Variants in RAD54B observed in about 807,000 individuals in gnomAD.
RAD54B encodes RAD54 homolog B.
In RAD54B, 78 loss-of-function variants were observed where a neutral mutation model predicts 95.8. The ratio of observed to expected loss-of-function variants is 0.81; its 90% confidence interval spans 0.68 to 0.98. The LOEUF (loss-of-function observed/expected upper bound fraction) is 0.98. Ranked by LOEUF, RAD54B falls within the 50% of genes least tolerant of loss-of-function variation. RAD54B has a pLI of 0.00. For synonymous variants in RAD54B, 328 were observed against 354.9 expected (o/e 0.92, Z 0.85); for missense variants, 957 against 1,056.6 (o/e 0.91, Z 1.31).
intron 3 of RAD54B, chr8:94,430,713 A>C: frequency 1.1e-6 from 1 of 936,858 alleles, no homozygotes; most frequent in Non-Finnish European, 1.3e-6. Flanking sequence ...ATGTTTTAAA[A>C]GCATTTTGTG....
chr8:94,432,168 C>T (rs1265240697), intron 3 of RAD54B: 7 of 1,550,008 alleles, frequency 4.5e-6, no homozygotes, highest in East Asian at 4.9e-5. Context: ...ATGCCGTAAG[C>T]GAATTGCTTT....
intron 8 of RAD54B, 25 bp downstream of exon 8, chr8:94,399,389 T>C (rs893473403): frequency 1.3e-6 from 2 of 1,599,742 alleles, no homozygotes. Flanking sequence ...AATTCCAAAA[T>C]ATCTTCCCCA....
rs371660863 is a variant in RAD54B, at chr8:94,410,568, G to C, written c.499+553C>G. Among the ~76,000 whole-genome samples, 10 of 152,256 alleles carry C rather than the reference G, an allele frequency of 6.6e-5. No individual in the cohort carries two copies. In the East Asian group the frequency reaches 1.5e-3, roughly 23 times the overall value. On this transcript the variant is annotated intron_variant, in intron 4 of 14. Coordinates refer to ENST00000336148, the MANE Select transcript of RAD54B (RefSeq NM_012415.3). Reference sequence around the variant, plus strand: ...TGCAAAGACACTGTAGTTGGTGTTAGCCATTCTTAATTTGTAGCCTAACTT... The same window carrying C: ...TGCAAAGACACTGTAGTTGGTGTTACCCATTCTTAATTTGTAGCCTAACTT...
chr8:94,422,605 AAAAAAAAAAAAAATATATATATATATAT>A (rs1563650677), intron 3 of RAD54B, among the ~76,000 whole-genome samples: 3 of 98,204 alleles, frequency 3.1e-5, no homozygotes, highest in African/African-American at 1.6e-4. Context: ...AAAAAAAAAA[AAAAAAAAAAAAAATATATATATATATAT>A]ATATATATAT....
chr8:94,465,556 C>A (rs1269885792), intron 2 of RAD54B, among the ~76,000 whole-genome samples: 2 of 152,160 alleles, frequency 1.3e-5, no homozygotes, highest in African/African-American at 4.8e-5. Flanking sequence ...ATCACACATT[C>A]CTGATGAAGA....
chr8:94,388,180 T>C (rs1017717912), intron 10 of RAD54B, among the ~76,000 whole-genome samples: 14 of 152,302 alleles, frequency 9.2e-5, no homozygotes, highest in Admixed American at 9.2e-4. Context: ...AGTCTACTTA[T>C]ATGCAGATTT....
At chr8:94,400,497 A>G in intron 6 of RAD54B, 34 bp from the exon 7 acceptor site, 2 of 1,503,214 alleles carry the variant, frequency 1.3e-6, no homozygotes. Flanking sequence ...TTTAATCACA[A>G]TAGAAAAATA....
At chr8:94,452,414 C>T (rs1268219014) in intron 3 of RAD54B, among the ~76,000 whole-genome samples, 1 of 152,188 alleles carries the variant, frequency 6.6e-6, no homozygotes, top group Non-Finnish European at 1.5e-5. Context: ...GTATCTTATT[C>T]TCAACTAGTA....
intron 2 of RAD54B, among the ~76,000 whole-genome samples, chr8:94,465,420 G>C (rs1397285815): frequency 6.6e-6 from 1 of 152,180 alleles, no homozygotes; most frequent in Non-Finnish European, 1.5e-5. Flanking sequence ...AGCATTGCTA[G>C]TCATTAAGGA....
chr8:94,455,168 A>G (rs914976367), intron 3 of RAD54B, among the ~76,000 whole-genome samples: 2 of 152,212 alleles, frequency 1.3e-5, no homozygotes, highest in African/African-American at 2.4e-5. Flanking sequence ...TCACATATCC[A>G]TTACAGCATG....
rs754440436 is a variant in RAD54B, at chr8:94,387,020, AG to A, written c.1948del (p.Leu650SerfsTer2). ...TCGAAGTTCGTGGATAACCGCTAAG[AG>A]CTTGGACAACACCTGTAGTTTTCCT... ...ESGKLQVLSK[L>X]LAVIHELRPT... On this transcript the variant is annotated frameshift_variant, in exon 11 of 15. Coordinates refer to ENST00000336148, the MANE Select transcript of RAD54B (RefSeq NM_012415.3). LOFTEE classifies it high-confidence loss of function. 19 of 1,610,354 alleles carry A rather than the reference AG, an allele frequency of 1.2e-5. No individual in the cohort carries two copies. Among genetic ancestry groups the A allele is most frequent in the Non-Finnish European group, 1.6e-5 (19 of 1,179,010 alleles).
chr8:94,425,506 A>G (rs886357195), intron 3 of RAD54B, among the ~76,000 whole-genome samples: 2 of 152,102 alleles, frequency 1.3e-5, no homozygotes, highest in Non-Finnish European at 2.9e-5. Context: ...AAACCTACCA[A>G]TGTTTAATAT....
At chr8:94,422,618 AT>A (rs67720327) in intron 3 of RAD54B, among the ~76,000 whole-genome samples, 966 of 24,040 alleles carry the variant, frequency 0.04, 18 homozygotes, top group Non-Finnish European at 0.05. Context: ...AAAAAAAAAA[AT>A]ATATATATAT....
At chr8:94,463,328 T>C (rs1277367861) in intron 2 of RAD54B, among the ~76,000 whole-genome samples, 4 of 136,792 alleles carry the variant, frequency 2.9e-5, no homozygotes, top group Non-Finnish European at 4.7e-5. Context: ...TAAGCACACA[T>C]AAAAGTGCTC....
chr8:94,460,124 C>A (rs1812870880), intron 2 of RAD54B, among the ~76,000 whole-genome samples: 1 of 150,880 alleles, frequency 6.6e-6, no homozygotes, highest in East Asian at 2.0e-4. Flanking sequence ...CGCCACTGCA[C>A]TGCAGCCTGG....
chr8:94,391,976 A>C, intron 9 of RAD54B, 77 bp from the exon 10 acceptor site: 1 of 1,329,564 alleles, frequency 7.5e-7, no homozygotes, highest in South Asian at 1.4e-5. Flanking sequence ...AGATTTCATA[A>C]TGATAAACCA....
At chr8:94,396,057 A>C (rs1444430972) in intron 8 of RAD54B, among the ~76,000 whole-genome samples, 1 of 152,174 alleles carries the variant, frequency 6.6e-6, no homozygotes, top group Non-Finnish European at 1.5e-5. Flanking sequence ...AATAGGAAAA[A>C]GGATTTAGGG....
At chr8:94,409,408 C>T (rs1430954182) in intron 4 of RAD54B, among the ~76,000 whole-genome samples, 1 of 151,504 alleles carries the variant, frequency 6.6e-6, no homozygotes, top group Non-Finnish European at 1.5e-5. Context: ...AGGGTCTCTC[C>T]AGCCCAGGCT....
At chr8:94,420,934 G>A (rs1016831582) in intron 3 of RAD54B, among the ~76,000 whole-genome samples, 11 of 149,154 alleles carry the variant, frequency 7.4e-5, no homozygotes, top group Admixed American at 1.3e-4. Flanking sequence ...GCAGTGAGCC[G>A]AGATCACACC....
Sources: allele counts gnomAD v4.1 joint callset (sites outside exome capture counted in the v4.1 genomes callset), GRCh38; gene constraint gnomAD v4.1.1; transcripts MANE v1.5; gene names NCBI Gene and HGNC (gene_info 2026-07-23, HGNC 2026-07-21).